Variants in HACD4 observed in about 807,000 individuals in gnomAD.
The protein encoded by HACD4 is 3-hydroxyacyl-CoA dehydratase 4, also known as very-long-chain (3R)-3-hydroxyacyl-CoA dehydratase 4.
In HACD4, 35 loss-of-function variants were observed where a neutral mutation model predicts 33.3. The observed-to-expected ratio is 1.05, with a 90% confidence interval of 0.80 to 1.39. HACD4 has a LOEUF of 1.39. Ranked by LOEUF, HACD4 falls within the 40% of genes most tolerant of loss-of-function variation. The pLI is 0.00. For synonymous variants in HACD4, 118 were observed against 98.0 expected (o/e 1.20, Z -1.21); for missense variants, 323 against 276.5 (o/e 1.17, Z -1.19).
intron 3 of HACD4, chr9:21,017,735 G>A (rs887269052): frequency 2.0e-5 from 3 of 152,012 alleles, no homozygotes; most frequent in African/African-American, 7.3e-5. Context: ...TGATCTCTAG[G>A]GTCTCCTCCA....
At chr9:21,015,560 A>G (rs1842536190) in intron 4 of HACD4, 1 of 171,898 alleles carries the variant, frequency 5.8e-6, no homozygotes, top group African/African-American at 2.4e-5. Context: ...ACAATAAAAG[A>G]CCTGCTTTGC....
At position 21,006,916 on chromosome 9, in the gene HACD4, T is replaced by C; in HGVS notation, c.*121A>G. On this transcript the variant is annotated 3_prime_UTR_variant, in exon 7 of 7. Coordinates refer to ENST00000495827, the MANE Select transcript of HACD4 (RefSeq NM_001010915.5). The surrounding 1 kb of genome is among the most constrained non-coding windows in gnomAD (Gnocchi z 4.6). ...AGAGTTTTGGGGGTATGTGCAGTTATTTCATGTAATGGATTTTTATCAAAT... is the reference window on the plus strand; with the variant it reads ...AGAGTTTTGGGGGTATGTGCAGTTACTTCATGTAATGGATTTTTATCAAAT... The C allele has an allele frequency of 1.4e-6, 1 of 721,814 alleles. No homozygotes were observed. Among genetic ancestry groups the C allele is most frequent in the Non-Finnish European group, 2.5e-6 (1 of 395,554 alleles). The allele number at this position is 721,814 out of a possible 1,614,324, so 44.7% of individuals were successfully genotyped here.
At chr9:21,008,228 G>A in intron 5 of HACD4, 82 bp from the exon 6 acceptor site, 1 of 1,197,454 alleles carries the variant, frequency 8.4e-7, no homozygotes, top group Non-Finnish European at 1.1e-6. Flanking sequence ...ATAGTTGTAG[G>A]ATATTTTGAA....
chr9:21,013,612 A>C (rs1447980433), intron 4 of HACD4, among the ~76,000 whole-genome samples: 3 of 152,194 alleles, frequency 2.0e-5, no homozygotes, highest in Non-Finnish European at 4.4e-5. Context: ...CATCTGAACA[A>C]TATTAAGTCT....
At chr9:21,031,431 G>A in intron 1 of HACD4, 122 bp downstream of exon 1, 1 of 1,335,136 alleles carries the variant, frequency 7.5e-7, no homozygotes, top group Non-Finnish European at 9.5e-7. Flanking sequence ...CCTGGGCACG[G>A]TAGCGCTGCG....
rs1292610348 is a variant in HACD4 at position 21,001,141 on chromosome 9, T to A, written c.*5896A>T. On this transcript the variant is annotated 3_prime_UTR_variant, in exon 7 of 7. Transcript: ENST00000495827. Reference sequence around the variant, plus strand: ...TTGATGGTGGATCCACTAAAGGCTCTACAACGACTGCCTTAAGGATGTTTT... The same window carrying A: ...TTGATGGTGGATCCACTAAAGGCTCAACAACGACTGCCTTAAGGATGTTTT... 1 of 152,026 alleles carries A rather than the reference T, an allele frequency of 6.6e-6. No individual in the cohort carries two copies. Among genetic ancestry groups the A allele is most frequent in the African/African-American group, 2.4e-5 (1 of 41,426 alleles). The allele number at this position is 152,026 out of a possible 1,614,324, so 9.4% of individuals were successfully genotyped here.
intron 5 of HACD4, among the ~76,000 whole-genome samples, chr9:21,008,669 G>T (rs1842333703): frequency 6.6e-6 from 1 of 152,030 alleles, no homozygotes; most frequent in Admixed American, 6.6e-5. Flanking sequence ...AGAACTCTAT[G>T]AGAAATGCTG....
chr9:21,018,933 C>G (rs964018429), intron 3 of HACD4, among the ~76,000 whole-genome samples: 7 of 152,042 alleles, frequency 4.6e-5, no homozygotes, highest in African/African-American at 1.4e-4. Context: ...AAAAATGATA[C>G]TTCAACTACA....
At position 21,026,736 on chromosome 9, in the gene HACD4, G is replaced by A. The variant is rs747079609; in HGVS notation, c.143-13C>T. 71 of 1,607,178 alleles carry A rather than the reference G, an allele frequency of 4.4e-5. No homozygotes were observed. In the South Asian group the frequency reaches 7.3e-4, roughly 16 times the overall value. On this transcript the variant is annotated splice_polypyrimidine_tract_variant and intron_variant, in intron 2 of 6. Coordinates refer to ENST00000495827, the MANE Select transcript of HACD4 (RefSeq NM_001010915.5). ...TCAACCATTGAATCTGTATCCCGTG[G>A]GTTAAAAATGCAGATATAGGAAGAA...
rs1842177810 is a variant in HACD4 at position 21,002,248 on chromosome 9, T to C, written c.*4789A>G. On this transcript the variant is annotated 3_prime_UTR_variant, in exon 7 of 7. Transcript: ENST00000495827. ...TACACAAAAGAACTGAGAAAGATAC[T>C]TAAATGCTTCACTATAAAAAAGTAA... The C allele has an allele frequency of 6.6e-6, 1 of 152,080 alleles. No homozygotes were observed. Among genetic ancestry groups the C allele is most frequent in the Non-Finnish European group, 1.5e-5 (1 of 67,992 alleles). The allele number at this position is 152,080 out of a possible 1,614,324, so 9.4% of individuals were successfully genotyped here.
rs969419863 is a variant in HACD4 at position 21,027,315 on chromosome 9, G to A, written c.143-592C>T. 2.6e-5 allele frequency among the ~76,000 whole-genome samples: 4 copies of A among 152,104 alleles called. No homozygotes were observed. In the South Asian group the frequency reaches 6.2e-4, roughly 24 times the overall value. ...GACTTTTGGGGTTTGCATTGCAGAG[G>A]GTTCACATGAAATACTGTGCACTTG... is the stretch of plus-strand genomic sequence containing the variant. On this transcript the variant is annotated intron_variant, in intron 2 of 6. Coordinates refer to ENST00000495827, the MANE Select transcript of HACD4 (RefSeq NM_001010915.5).
intron 5 of HACD4, among the ~76,000 whole-genome samples, chr9:21,011,250 A>G (rs2132771521): frequency 6.6e-6 from 1 of 152,352 alleles, no homozygotes; most frequent in African/African-American, 2.4e-5. Context: ...ATTTCTGTGC[A>G]TTAAAAGTTA....
At chr9:21,024,844 T>C (rs1239413963) in intron 3 of HACD4, among the ~76,000 whole-genome samples, 1 of 152,188 alleles carries the variant, frequency 6.6e-6, no homozygotes, top group East Asian at 1.9e-4. Context: ...ATAACTGAGA[T>C]TTTAAATGAA....
At chr9:21,029,162 C>G (rs1818140141) in intron 2 of HACD4, 133 bp downstream of exon 2, 3 of 582,634 alleles carry the variant, frequency 5.1e-6, no homozygotes, top group Non-Finnish European at 3.0e-6. Flanking sequence ...TTGCAATAAA[C>G]ATGGTTGCTA....
chr9:21,011,406 T>C (rs1484717078), intron 5 of HACD4, among the ~76,000 whole-genome samples, 183 bp downstream of exon 5: 1 of 152,244 alleles, frequency 6.6e-6, no homozygotes. Context: ...TTTTGTCTAC[T>C]GTGCAGAGCT....
chr9:21,000,259 A>G lies in HACD4; in HGVS notation c.*6778T>C, dbSNP rs1390884694. 1 of 152,190 alleles carries G rather than the reference A, an allele frequency of 6.6e-6. No homozygotes were observed. Among genetic ancestry groups the G allele is most frequent in the African/African-American group, 2.4e-5 (1 of 41,466 alleles). 9.4% of individuals were successfully genotyped at this position (152,190 alleles called of 1,614,324 possible). The stretch of plus-strand genomic sequence containing the variant: ...AAAAATAAACTAGTTAGTAATTCTT[A>G]CTTGGCATGTTAAAAACATGTTCAG... On this transcript the variant is annotated 3_prime_UTR_variant, in exon 7 of 7. Transcript: ENST00000495827.
rs7863405 is a variant in HACD4 at position 21,006,022 on chromosome 9, C to T, written c.*1015G>A. The T allele has an allele frequency of 0.25, 37,280 of 152,046 alleles. 4,999 individuals carry two copies. The highest frequency in any genetic ancestry group is 0.35 in the Middle Eastern group (104 of 294). 9.4% of individuals were successfully genotyped at this position (152,046 alleles called of 1,614,324 possible). ...GAATCTCACCCACATCTGATTTAGA[C>T]GAGACTTTGGACTTTAGAGTTGATG... On this transcript the variant is annotated 3_prime_UTR_variant, in exon 7 of 7. Coordinates refer to ENST00000495827, the MANE Select transcript of HACD4 (RefSeq NM_001010915.5). The surrounding 1 kb of genome is among the most constrained non-coding windows in gnomAD (Gnocchi z 4.6).
At chr9:21,030,628 T>C (rs1818187249) in intron 1 of HACD4, among the ~76,000 whole-genome samples, 1 of 152,166 alleles carries the variant, frequency 6.6e-6, no homozygotes, top group Admixed American at 6.5e-5. Flanking sequence ...AATTCAGTAA[T>C]TGGACACACC....
Position 21,007,072 on chromosome 9 carries a change from G to T in HACD4, c.664C>A (p.Leu222Ile), listed in dbSNP as rs372647517. The change falls in exon 7 of 7, where the codon CTC becomes ATC. Residue 222 changes from leucine (L) to isoleucine (I), a missense_variant. Coordinates refer to ENST00000495827, the MANE Select transcript of HACD4 (RefSeq NM_001010915.5). ...SHLYSERRDILGIFPIKKKKM is the reference protein window; with the variant it reads ...SHLYSERRDIIGIFPIKKKKM ...TTTTTTTTAATGGGAAAGATTCCGA[G>T]GATGTCTCTTCTTTCTGAGTATAGA... 20 of 1,587,896 alleles carry T rather than the reference G, an allele frequency of 1.3e-5. No homozygotes were observed. The highest frequency in any genetic ancestry group is 1.6e-5 in the Non-Finnish European group (19 of 1,156,382).
Sources: allele counts gnomAD v4.1 joint callset (sites outside exome capture counted in the v4.1 genomes callset), GRCh38; gene constraint gnomAD v4.1.1; non-coding constraint Gnocchi (gnomAD v3.1); transcripts MANE v1.5; gene names NCBI Gene and HGNC (gene_info 2026-07-23, HGNC 2026-07-21).